DCC: variants seen among roughly 807,000 people sequenced by gnomAD.
DCC encodes netrin receptor DCC.
A neutral mutation model predicts 172.5 loss-of-function variants in DCC; 58 were observed. The observed-to-expected ratio is 0.34, with a 90% CI of 0.27 to 0.42. DCC has a LOEUF of 0.42. Ranked by LOEUF, DCC falls within the 10% of genes least tolerant of loss-of-function variation. The pLI, the probability that DCC is intolerant of heterozygous loss-of-function variation, is 1.00. For missense variants in DCC, 1,740 were observed against 1,791.0 expected, an observed-to-expected ratio of 0.97 and a Z score of 0.51; for synonymous variants, 709 against 644.5, an observed-to-expected ratio of 1.10 and a Z score of -1.52.
intron 5 of DCC, among the ~76,000 whole-genome samples, chr18:53,024,233 A>G (rs546843204): frequency 1.3e-5 from 2 of 152,170 alleles, no homozygotes; most frequent in East Asian, 1.9e-4. Flanking sequence ...TAGATGAAAG[A>G]TATGATATAA....
At chr18:52,756,112 G>A (rs1205177517) in intron 2 of DCC, among the ~76,000 whole-genome samples, 1 of 152,216 alleles carries the variant, frequency 6.6e-6, no homozygotes, top group African/African-American at 2.4e-5. Flanking sequence ...GCCTCCATTT[G>A]AAAGCAACTT....
intron 1 of DCC, among the ~76,000 whole-genome samples, chr18:52,575,486 T>C (rs2033387004): frequency 6.6e-6 from 1 of 152,206 alleles, no homozygotes; most frequent in South Asian, 2.1e-4. Flanking sequence ...CCTAATGTGT[T>C]AGTGTATCAG....
At chr18:52,748,431 G>A (rs2036943137) in intron 1 of DCC, among the ~76,000 whole-genome samples, 1 of 152,232 alleles carries the variant, frequency 6.6e-6, no homozygotes. Flanking sequence ...CCTCCAGAAG[G>A]GTTGCAGCTC....
At chr18:53,306,513 A>T (rs1007682352) in intron 13 of DCC, among the ~76,000 whole-genome samples, 15 of 152,188 alleles carry the variant, frequency 9.9e-5, no homozygotes, top group South Asian at 8.3e-4. Context: ...AGCACTTGCT[A>T]GGTCTCCTGG....
At chr18:52,753,539 C>T (rs1253473658) in intron 2 of DCC, among the ~76,000 whole-genome samples, 1 of 152,090 alleles carries the variant, frequency 6.6e-6, no homozygotes, top group African/African-American at 2.4e-5. Flanking sequence ...GTTGTGGGGC[C>T]TTAAGAAGAG....
intron 5 of DCC, among the ~76,000 whole-genome samples, chr18:53,003,089 A>G (rs79260114): frequency 0.036 from 5,473 of 152,256 alleles, 138 homozygotes; most frequent in Non-Finnish European, 0.053. Context: ...ACAAACCTCT[A>G]TAACCAGATT....
chr18:52,891,696 G>A (rs2039652382), intron 2 of DCC, among the ~76,000 whole-genome samples: 1 of 152,030 alleles, frequency 6.6e-6, no homozygotes, highest in Admixed American at 6.6e-5. Flanking sequence ...TGGAAACTGA[G>A]GTTTGTTCTT....
At chr18:53,301,312 C>A (rs1253420853) in intron 12 of DCC, among the ~76,000 whole-genome samples, 3 of 151,974 alleles carry the variant, frequency 2.0e-5, no homozygotes, top group Non-Finnish European at 4.4e-5. Flanking sequence ...TGGTCTCGAA[C>A]TCCTGACCAC....
intron 9 of DCC, among the ~76,000 whole-genome samples, chr18:53,186,601 T>C (rs985207939): frequency 1.3e-5 from 2 of 152,212 alleles, no homozygotes; most frequent in South Asian, 2.1e-4. Flanking sequence ...CCCTCATCTT[T>C]AGAGCATATT....
intron 2 of DCC, among the ~76,000 whole-genome samples, chr18:52,779,614 A>G (rs1197317849): frequency 6.6e-6 from 1 of 152,188 alleles, no homozygotes; most frequent in Non-Finnish European, 1.5e-5. Flanking sequence ...TAATAAACAT[A>G]CATGCACATG....
At chr18:53,461,127 T>C (rs1391751560) in intron 24 of DCC, among the ~76,000 whole-genome samples, 1 of 152,218 alleles carries the variant, frequency 6.6e-6, no homozygotes, top group Non-Finnish European at 1.5e-5. Flanking sequence ...TTGATGGGGT[T>C]GTTTGTTATT....
chr18:52,902,473 A>G (rs1029075004), intron 2 of DCC, among the ~76,000 whole-genome samples: 1 of 152,090 alleles, frequency 6.6e-6, no homozygotes, highest in Non-Finnish European at 1.5e-5. Flanking sequence ...GCAGGTAACT[A>G]TTTTTCACAA....
At chr18:53,393,595 A>C (rs1908713761) in intron 17 of DCC, among the ~76,000 whole-genome samples, 1 of 152,196 alleles carries the variant, frequency 6.6e-6, no homozygotes, top group Admixed American at 6.5e-5. Flanking sequence ...TACTTTCTCC[A>C]CTTTAAAAAT....
chr18:52,510,775 A>C (rs1272465875), intron 1 of DCC, among the ~76,000 whole-genome samples: 2 of 152,168 alleles, frequency 1.3e-5, no homozygotes, highest in Admixed American at 6.5e-5. Context: ...ACTACTTCTG[A>C]GCGTGAAAGG....
chr18:53,427,049 G>A (rs1367800964), intron 21 of DCC, among the ~76,000 whole-genome samples: 1 of 152,070 alleles, frequency 6.6e-6, no homozygotes, highest in Non-Finnish European at 1.5e-5. Flanking sequence ...ATAAGCTTGT[G>A]AACCACGCAG....
chr18:53,530,510 A>T, intron 28 of DCC, 54 bp from the exon 29 acceptor site: 1 of 1,035,440 alleles, frequency 9.7e-7, no homozygotes, highest in Non-Finnish European at 1.5e-6. Flanking sequence ...CGGCCTTCAT[A>T]AAAGAAATGG....
At chr18:52,687,528 G>GC (rs1568042113) in intron 1 of DCC, among the ~76,000 whole-genome samples, 1 of 151,878 alleles carries the variant, frequency 6.6e-6, no homozygotes, top group Admixed American at 6.6e-5. Context: ...CAGGTGATCC[G>GC]CCCACCTTGG....
intron 14 of DCC, among the ~76,000 whole-genome samples, chr18:53,324,984 G>T (rs2057450952): frequency 6.6e-6 from 1 of 151,964 alleles, no homozygotes; most frequent in Non-Finnish European, 1.5e-5. Context: ...CTTGAGGTCA[G>T]GAGTTCAAGA....
At chr18:53,212,202 C>T (rs929072282) in intron 11 of DCC, among the ~76,000 whole-genome samples, 25 of 152,256 alleles carry the variant, frequency 1.6e-4, no homozygotes, top group African/African-American at 5.8e-4. Context: ...CCATGAGTTT[C>T]AAGCCAACAT....
Sources: gnomAD v4.1 joint callset for allele counts (sites outside exome capture counted in the v4.1 genomes callset) on GRCh38, gnomAD v4.1.1 for gene constraint, MANE v1.5 for transcripts, NCBI Gene and HGNC (gene_info 2026-07-23, HGNC 2026-07-21) for gene names.